TBC1D22A: variants seen among roughly 807,000 people sequenced by gnomAD.
TBC1D22A encodes TBC1 domain family member 22A.
A neutral mutation model predicts 60.2 loss-of-function variants in TBC1D22A; 38 were observed. That is an observed-to-expected ratio of 0.63 (90% CI 0.49 to 0.83). The LOEUF is 0.83. TBC1D22A is among the 40% of genes least tolerant of loss of function. The pLI is 0.00. For synonymous variants in TBC1D22A, 302 were observed against 281.7 expected, an observed-to-expected ratio of 1.07 and a Z score of -0.72; for missense variants, 628 against 701.0, an observed-to-expected ratio of 0.90 and a Z score of 1.18.
At chr22:46,803,503 C>T (rs2084991169) in intron 4 of TBC1D22A, among the ~76,000 whole-genome samples, 1 of 152,170 alleles carries the variant, frequency 6.6e-6, no homozygotes, top group Non-Finnish European at 1.5e-5. Flanking sequence ...TTGGTTCTTG[C>T]GACCCGGCCG....
intron 4 of TBC1D22A, among the ~76,000 whole-genome samples, chr22:46,826,288 C>T (rs755627742): frequency 2.6e-5 from 4 of 152,332 alleles, no homozygotes; most frequent in African/African-American, 9.6e-5. Flanking sequence ...CTGGGCCACA[C>T]TTTCCTGGCC....
chr22:47,103,243 C>T (rs114501140), intron 11 of TBC1D22A, among the ~76,000 whole-genome samples: 1 of 152,068 alleles, frequency 6.6e-6, no homozygotes, highest in Admixed American at 6.5e-5. Context: ...AAGAAGGGGT[C>T]ACAGAGGGAA....
chr22:47,121,263 A>G (rs1012405846), intron 12 of TBC1D22A, among the ~76,000 whole-genome samples: 1 of 152,258 alleles, frequency 6.6e-6, no homozygotes, highest in African/African-American at 2.4e-5. Context: ...TAAAGCAGGC[A>G]TGCTGTTTCA....
At chr22:47,021,044 A>G (rs2062069736) in intron 10 of TBC1D22A, among the ~76,000 whole-genome samples, 1 of 152,200 alleles carries the variant, frequency 6.6e-6, no homozygotes, top group Admixed American at 6.5e-5. Context: ...TGCAACCTGA[A>G]TGAACCAGGA....
chr22:46,836,815 G>T (rs2147187852), intron 4 of TBC1D22A, among the ~76,000 whole-genome samples: 1 of 152,264 alleles, frequency 6.6e-6, no homozygotes, highest in South Asian at 2.1e-4. Flanking sequence ...TAACAAAAGA[G>T]AGCAGGGGTG....
At chr22:46,998,089 A>G (rs1381144918) in intron 10 of TBC1D22A, among the ~76,000 whole-genome samples, 4 of 152,096 alleles carry the variant, frequency 2.6e-5, no homozygotes, top group Admixed American at 2.0e-4. Flanking sequence ...TAATTTCTCC[A>G]TGGAATCTAA....
In TBC1D22A at chr22:47,009,401, A is replaced by G. The variant is rs140139820; in HGVS notation, c.1201+11692A>G. Among the ~76,000 whole-genome samples the G allele has an allele frequency of 2.0e-5, 3 of 151,044 alleles. No homozygotes were observed. Among genetic ancestry groups the G allele is most frequent in the African/African-American group, 7.3e-5 (3 of 41,012 alleles). On this transcript the variant is annotated intron_variant, in intron 10 of 12. Coordinates refer to ENST00000337137, the MANE Select transcript of TBC1D22A (RefSeq NM_014346.5). The surrounding 1 kb of genome is among the most constrained non-coding windows in gnomAD (Gnocchi z 5.8). Reference sequence around the variant, plus strand: ...TTTCATCACCATCACCATCATTTCCATCATCACCATCATTGTGTCATCACC... The same window carrying G: ...TTTCATCACCATCACCATCATTTCCGTCATCACCATCATTGTGTCATCACC...
chr22:47,019,933 T>TCCATCATGCCCTCTCCCTTAACCCC, intron 10 of TBC1D22A, among the ~76,000 whole-genome samples: 1 of 142,572 alleles, frequency 7.0e-6, no homozygotes, highest in Admixed American at 6.9e-5. Context: ...CCCTTAACCC[T>TCCATCATGCCCTCTCCCTTAACCCC]CCATCATGCC....
rs143059969 is a variant in TBC1D22A at position 46,900,429 on chromosome 22, C to T, written c.900+5583C>T. Among the ~76,000 whole-genome samples, 169 of 152,218 alleles carry T rather than the reference C, an allele frequency of 1.1e-3. 1 individual carries two copies. Among genetic ancestry groups the T allele is most frequent in the African/African-American group, 3.8e-3 (157 of 41,524 alleles). On this transcript the variant is annotated intron_variant, in intron 7 of 12. Transcript: ENST00000337137. ...CCTCCCAAGGTGCTGGGATTACAGG[C>T]GTGAGTAACTGTGCCCGGCTTGACA...
intron 8 of TBC1D22A, chr22:46,915,852 A>C (rs776386318): frequency 2.2e-6 from 1 of 454,234 alleles, no homozygotes; most frequent in African/African-American, 2.0e-5. Flanking sequence ...GGTCCTGAGT[A>C]GGAGCAGCTC....
intron 4 of TBC1D22A, among the ~76,000 whole-genome samples, chr22:46,840,412 A>AT (rs1224664134): frequency 6.6e-6 from 1 of 152,202 alleles, no homozygotes; most frequent in Non-Finnish European, 1.5e-5. Context: ...ACGAGTTATC[A>AT]TTTCACACCT....
intron 11 of TBC1D22A, among the ~76,000 whole-genome samples, chr22:47,097,582 G>T (rs1176911255): frequency 6.6e-6 from 1 of 151,970 alleles, no homozygotes; most frequent in East Asian, 1.9e-4. Flanking sequence ...CTGCACTCCA[G>T]CCTGGGCGAG....
At chr22:46,997,307 A>G (rs1400954160) in intron 9 of TBC1D22A, among the ~76,000 whole-genome samples, 1 of 152,232 alleles carries the variant, frequency 6.6e-6, no homozygotes, top group Non-Finnish European at 1.5e-5. Flanking sequence ...GGTTCTGGTC[A>G]ATGAGCTATG....
intron 7 of TBC1D22A, among the ~76,000 whole-genome samples, chr22:46,901,491 G>A (rs920714729): frequency 4.6e-5 from 7 of 152,198 alleles, no homozygotes; most frequent in African/African-American, 9.6e-5. Flanking sequence ...GTAAATTAAC[G>A]TATTTGAATG....
chr22:47,053,298 C>T (rs1276357402), intron 11 of TBC1D22A, among the ~76,000 whole-genome samples: 3 of 152,198 alleles, frequency 2.0e-5, no homozygotes, highest in African/African-American at 4.8e-5. Context: ...TTGTTTCTCA[C>T]GTCCGCAGTG....
intron 4 of TBC1D22A, among the ~76,000 whole-genome samples, chr22:46,810,808 C>T (rs535130878): frequency 3.1e-4 from 47 of 152,230 alleles, no homozygotes; most frequent in African/African-American, 1.1e-3. Flanking sequence ...TGCTTTCGAC[C>T]CTTCTAGACG....
intron 12 of TBC1D22A, among the ~76,000 whole-genome samples, chr22:47,137,074 G>A (rs551712765): frequency 2.0e-5 from 3 of 152,282 alleles, no homozygotes; most frequent in South Asian, 4.1e-4. Flanking sequence ...GAAAGTGGAA[G>A]CTCTTGAGGA....
chr22:46,799,294 C>T (rs990416132), intron 4 of TBC1D22A, among the ~76,000 whole-genome samples: 8 of 152,178 alleles, frequency 5.3e-5, no homozygotes, highest in African/African-American at 9.7e-5. Flanking sequence ...CAATTGTTTA[C>T]GTTTGCCCAT....
chr22:46,822,953 C>T (rs1398831981), intron 4 of TBC1D22A, among the ~76,000 whole-genome samples: 1 of 152,158 alleles, frequency 6.6e-6, no homozygotes, highest in South Asian at 2.1e-4. Flanking sequence ...AGCCAGAGAC[C>T]CCATCATTCC....
Sources: allele counts gnomAD v4.1 joint callset (sites outside exome capture counted in the v4.1 genomes callset), GRCh38; gene constraint gnomAD v4.1.1; non-coding constraint Gnocchi (gnomAD v3.1); transcripts MANE v1.5; gene names NCBI Gene and HGNC (gene_info 2026-07-23, HGNC 2026-07-21).